Variants in EPG5 observed in about 807,000 individuals in gnomAD.
The protein encoded by EPG5 is ectopic P-granules 5 autophagy tethering factor, also known as ectopic P granules protein 5 homolog.
Under a neutral mutation model 302.7 loss-of-function variants are expected in EPG5, and 159 were observed. That is an observed-to-expected ratio of 0.53 (90% CI 0.46 to 0.60). The LOEUF (loss-of-function observed/expected upper bound fraction) is 0.60. EPG5 is among the 20% of genes least tolerant of loss of function. The probability of loss-of-function intolerance (pLI) is 0.00; values close to 1 mark genes in which losing one functional copy is unlikely to be tolerated. For missense variants in EPG5, 2,896 were observed against 3,092.4 expected, an observed-to-expected ratio of 0.94 and a Z score of 1.51; for synonymous variants, 1,158 against 1,136.8, an observed-to-expected ratio of 1.02 and a Z score of -0.37.
chr18:45,884,815 G>C lies in EPG5; in HGVS notation c.5110-4C>G, dbSNP rs1599490108. 6.6e-7 allele frequency: 1 copy of C among 1,509,366 alleles called. No individual in the cohort carries two copies. Among genetic ancestry groups the C allele is most frequent in the Non-Finnish European group, 8.8e-7 (1 of 1,134,694 alleles). 93.5% of individuals were successfully genotyped at this position (1,509,366 alleles called of 1,614,324 possible). ...ATTTAATGCCACTGATAAATACCTT[G>C]GAAAAATAAAAAGGAAAAATGTCAC... is the stretch of plus-strand genomic sequence containing the variant. On this transcript the variant is annotated splice_region_variant and splice_polypyrimidine_tract_variant and intron_variant, in intron 29 of 43. Transcript: ENST00000282041.
Position 45,913,751 on chromosome 18 carries a change from C to A in EPG5, c.3771G>T (p.Gly1257=), listed in dbSNP as rs761260401. ...TGAAAGCAGAGTTTATCACCAATTC[C>A]CCTTCAATAACTCTCCGGAGCTGGG... is the stretch of plus-strand genomic sequence containing the variant. ...EDSQLRRVIE[G]ELVINSAFTP... Residue 1257 remains glycine, a synonymous_variant, in exon 21 of 44, where the codon GGG becomes GGT. Transcript: ENST00000282041. 3.1e-6 allele frequency: 5 copies of A among 1,613,960 alleles called. No homozygotes were observed. Among genetic ancestry groups the A allele is most frequent in the Non-Finnish European group, 3.4e-6 (4 of 1,180,006 alleles).
chr18:45,907,737 C>T, intron 24 of EPG5: 1 of 406,962 alleles, frequency 2.5e-6, no homozygotes, highest in South Asian at 6.0e-5. Flanking sequence ...CTAGAACAAG[C>T]TTCAAGCCTT....
rs774358780 is a variant in EPG5 at position 45,949,552 on chromosome 18, G to A, written c.1429C>T (p.Leu477Phe). The A allele has an allele frequency of 1.9e-6, 3 of 1,613,054 alleles. No individual in the cohort carries two copies. The African/African-American group carries it at 4.0e-5, about 22-fold the overall frequency. The change falls in exon 5 of 44, where the codon CTC (leucine) becomes TTC (phenylalanine). Residue 477 changes from leucine (L) to phenylalanine (F), a missense_variant. This residue lies in a region of EPG5 where 1,390 missense variants were observed against 1,430.0 expected (regional missense o/e 0.97). Coordinates refer to ENST00000282041, the MANE Select transcript of EPG5 (RefSeq NM_020964.3). ...LQRVGCPGDHLFLLNHILRCP... is the reference protein window; with the variant it reads ...LQRVGCPGDHFFLLNHILRCP... Reference sequence around the variant, plus strand: ...CGAAGAATATGGTTTAGAAGGAAGAGGTGATCTCCAGGACAGCCAACTCTT... The same window carrying A: ...CGAAGAATATGGTTTAGAAGGAAGAAGTGATCTCCAGGACAGCCAACTCTT...
chr18:45,895,946 A>G, intron 27 of EPG5, among the ~76,000 whole-genome samples: 1 of 152,234 alleles, frequency 6.6e-6, no homozygotes, highest in Admixed American at 6.5e-5. Flanking sequence ...ATGGCTTCAT[A>G]TTTAAGTACA....
At chr18:45,931,851 T>A (rs1243689915) in intron 11 of EPG5, among the ~76,000 whole-genome samples, 1 of 150,866 alleles carries the variant, frequency 6.6e-6, no homozygotes, top group African/African-American at 2.4e-5. Context: ...ATAATAATAA[T>A]AAAATTAAAT....
Position 45,954,422 on chromosome 18 carries a change from T to G in EPG5, c.980A>C (p.Gln327Pro), listed in dbSNP as rs765476971. 6.2e-7 allele frequency: 1 copy of G among 1,612,304 alleles called. No individual in the cohort carries two copies. Among genetic ancestry groups the G allele is most frequent in the Non-Finnish European group, 8.5e-7 (1 of 1,179,270 alleles). ...DCQNAKSRLW[Q>P]FKEEQMSVQG... ...TACAGACATTTGTTCCTCCTTAAACTGCCACAGCCGACTTTTAGCATTTTG... is the reference window on the plus strand; with the variant it reads ...TACAGACATTTGTTCCTCCTTAAACGGCCACAGCCGACTTTTAGCATTTTG... The change falls in exon 2 of 44, where the codon CAG becomes CCG. Residue 327 changes from glutamine (Q) to proline (P), a missense_variant. Physicochemically the swap from Gln to Pro is moderately conservative, Grantham distance 76. This residue lies in a region of EPG5 where 1,390 missense variants were observed against 1,430.0 expected (regional missense o/e 0.97). Coordinates refer to ENST00000282041, the MANE Select transcript of EPG5 (RefSeq NM_020964.3).
chr18:45,929,089 G>T, intron 12 of EPG5, 80 bp from the exon 13 acceptor site: 1 of 1,394,180 alleles, frequency 7.2e-7, no homozygotes, highest in Non-Finnish European at 9.8e-7. Flanking sequence ...ATTTTTTCAA[G>T]CAAAGCAGAA....
Position 45,922,514 on chromosome 18 carries a change from T to C in EPG5, c.2925A>G (p.Leu975=). 6.2e-7 allele frequency: 1 copy of C among 1,614,232 alleles called. No homozygotes were observed. Among genetic ancestry groups the C allele is most frequent in the Non-Finnish European group, 8.5e-7 (1 of 1,180,038 alleles). The change falls in exon 16 of 44, where the codon CTA becomes CTG. Residue 975 remains leucine, a synonymous_variant. Coordinates refer to ENST00000282041, the MANE Select transcript of EPG5 (RefSeq NM_020964.3). ...NQWAWNLILR[L]KLHKNDYGIQ... The stretch of plus-strand genomic sequence containing the variant: ...TTCCATAATCGTTTTTGTGCAGTTT[T>C]AGCCTCAAGATTAAATTCCAGGCCC...
At chr18:45,884,035 T>G (rs570838431) in intron 30 of EPG5, among the ~76,000 whole-genome samples, 2 of 152,134 alleles carry the variant, frequency 1.3e-5, no homozygotes, top group East Asian at 3.9e-4. Flanking sequence ...TCAAACACAA[T>G]TTAGGCATAA....
At chr18:45,811,440 C>G in the EPG5 span, among the ~76,000 whole-genome samples, 1 of 152,132 alleles carries the variant, frequency 6.6e-6, no homozygotes. Flanking sequence ...GATGCCAAAG[C>G]CTGACAGAGA....
the EPG5 span, chr18:45,825,694 G>A: frequency 5.0e-6 from 8 of 1,609,012 alleles, no homozygotes; most frequent in South Asian, 5.5e-5. Context: ...GTGGCCGAGA[G>A]CGGGTCTGGC....
At chr18:45,949,138 C>T (rs1429898756) in intron 5 of EPG5, among the ~76,000 whole-genome samples, 5 of 152,082 alleles carry the variant, frequency 3.3e-5, no homozygotes, top group Non-Finnish European at 7.4e-5. Context: ...TTGACCTGTA[C>T]CAACTGTGGT....
Position 45,955,013 on chromosome 18 carries a change from G to C in EPG5, c.389C>G (p.Thr130Ser). 2.5e-6 allele frequency: 4 copies of C among 1,614,120 alleles called. No homozygotes were observed. The South Asian group carries it at 4.4e-5, about 18-fold the overall frequency. Residue 130 changes from threonine (T) to serine (S), a missense_variant, in exon 2 of 44, where the codon ACT becomes AGT. Thr to Ser is a moderately conservative substitution (Grantham distance 58). Coordinates refer to ENST00000282041, the MANE Select transcript of EPG5 (RefSeq NM_020964.3). ...PKVHPGDNVG[T>S]KVETPKNFTE... ...GAAGTTCTTGGGGGTTTCTACTTTA[G>C]TTCCAACATTGTCTCCAGGGTGGAC...
chr18:45,804,716 A>C, the EPG5 span, among the ~76,000 whole-genome samples: 7 of 152,348 alleles, frequency 4.6e-5, 1 homozygote, highest in Middle Eastern at 0.014. Flanking sequence ...CCTTTATTAT[A>C]AGAAATGCTA....
At position 45,880,192 on chromosome 18, in the gene EPG5, A is replaced by G. The variant is rs1003005511; in HGVS notation, c.5550T>C (p.Cys1850=). ...CCAGGGCTCTCAGAGTGGCCTTCCA[A>G]CACTCGGGGCTCAGAAGCTGCTCCG... ...SSAEQLLSPE[C]WKATLRALGC... Residue 1850 remains cysteine, a synonymous_variant, in exon 32 of 44, where the codon TGT becomes TGC. Coordinates refer to ENST00000282041, the MANE Select transcript of EPG5 (RefSeq NM_020964.3). The G allele has an allele frequency of 5.0e-6, 8 of 1,608,860 alleles. No homozygotes were observed. Among genetic ancestry groups the G allele is most frequent in the Non-Finnish European group, 6.8e-6 (8 of 1,176,976 alleles).
intron 5 of EPG5, 107 bp from the exon 6 acceptor site, chr18:45,948,683 C>A (rs2050839965): frequency 1.2e-6 from 1 of 819,418 alleles, no homozygotes; most frequent in Non-Finnish European, 2.0e-6. Flanking sequence ...GAGAACAAAG[C>A]TGAAACTGGT....
rs1182872625 is a variant in EPG5, at chr18:45,847,965, T to G, written c.*4502A>C. 6.6e-6 allele frequency: 1 copy of G among 151,932 alleles called. No individual in the cohort carries two copies. Among genetic ancestry groups the G allele is most frequent in the Non-Finnish European group, 1.5e-5 (1 of 68,018 alleles). 9.4% of individuals were successfully genotyped at this position (151,932 alleles called of 1,614,324 possible). On this transcript the variant is annotated 3_prime_UTR_variant, in exon 44 of 44. Coordinates refer to ENST00000282041, the MANE Select transcript of EPG5 (RefSeq NM_020964.3). ...ACAACATTCCTTCGCAATTTCATTA[T>G]CCCAAAAGAGGATCAGTAGTATAAT...
At chr18:45,941,961 T>G (rs1316994019) in intron 9 of EPG5, among the ~76,000 whole-genome samples, 1 of 152,112 alleles carries the variant, frequency 6.6e-6, no homozygotes, top group Non-Finnish European at 1.5e-5. Flanking sequence ...CAGTAGCTCA[T>G]GGCTGTAATC....
At chr18:45,821,314 AAAAC>A in the EPG5 span, among the ~76,000 whole-genome samples, 3 of 152,252 alleles carry the variant, frequency 2.0e-5, no homozygotes, top group Admixed American at 6.5e-5. Flanking sequence ...AAGGATATCT[AAAAC>A]AAACTAACTT....
Sources: allele counts gnomAD v4.1 joint callset (sites outside exome capture counted in the v4.1 genomes callset), GRCh38; gene constraint gnomAD v4.1.1; regional missense constraint gnomAD v4.1.1; transcripts MANE v1.5; gene names NCBI Gene and HGNC (gene_info 2026-07-23, HGNC 2026-07-21).